Variants in GLB1 observed in about 807,000 individuals in gnomAD.
GLB1 encodes beta-galactosidase.
In GLB1, 56 loss-of-function variants were observed where a neutral mutation model predicts 74.0. That is an observed-to-expected ratio of 0.76 (90% confidence interval 0.61 to 0.94). GLB1 has a LOEUF of 0.94. Among genes scored for constraint, GLB1 ranks in the 40% least tolerant of loss-of-function variants. The pLI is 0.00. For missense variants in GLB1, 787 were observed against 845.5 expected, an observed-to-expected ratio of 0.93 and a Z score of 0.86; for synonymous variants, 323 against 323.6, an observed-to-expected ratio of 1.00 and a Z score of 0.02.
chr3:33,072,413 C>T, intron 2 of GLB1, 131 bp downstream of exon 2: 1 of 1,426,006 alleles, frequency 7.0e-7, no homozygotes, highest in Non-Finnish European at 9.6e-7. Context: ...TGACAAGCCC[C>T]TCCCAGAACA....
At position 33,045,489 on chromosome 3, in the gene GLB1, T is replaced by C. The variant is rs1020654620; in HGVS notation, c.1068+631A>G. ...CATAGTCTGTATATTGGGCCACACATAAAAAGGAAAATAGTTTATCTTCTT... is the reference window on the plus strand; with the variant it reads ...CATAGTCTGTATATTGGGCCACACACAAAAAGGAAAATAGTTTATCTTCTT... On this transcript the variant is annotated intron_variant, in intron 10 of 15. Transcript: ENST00000307363. 7 of 988,340 alleles carry C rather than the reference T, an allele frequency of 7.1e-6. No individual in the cohort carries two copies. The African/African-American group carries it at 1.0e-4, about 15-fold the overall frequency. 61.2% of individuals were successfully genotyped at this position (988,340 alleles called of 1,614,324 possible). A position where few individuals can be genotyped will look rare whatever the true frequency, so the allele number is the denominator to read the frequency against.
the GLB1 span, among the ~76,000 whole-genome samples, chr3:32,967,591 G>A: frequency 6.6e-6 from 1 of 151,026 alleles, no homozygotes; most frequent in South Asian, 2.1e-4. Flanking sequence ...TCAGTCCTTT[G>A]GATGTTAATC....
chr3:33,090,842 C>T lies in GLB1; in HGVS notation c.75+6169G>A, dbSNP rs576726047. ...TGCTAATAGAAAGCAATCAGTCAAG[C>T]AAGGACTTCAGAGTGGATGAAGGGT... On this transcript the variant is annotated intron_variant, in intron 1 of 15. Coordinates refer to ENST00000307363, the MANE Select transcript of GLB1 (RefSeq NM_000404.4). The T allele has an allele frequency of 5.6e-5, 55 of 985,092 alleles. No homozygotes were observed. In the South Asian group the frequency reaches 2.3e-3, roughly 40 times the overall value. 61.0% of individuals were successfully genotyped at this position (985,092 alleles called of 1,614,324 possible). A position where few individuals can be genotyped will look rare whatever the true frequency, so the allele number is the denominator to read the frequency against.
chr3:33,074,365 G>GAAAGAAAGAAAGAAAGAAAGAAAGA (rs1559412830), intron 1 of GLB1, among the ~76,000 whole-genome samples: 4 of 10,046 alleles, frequency 4.0e-4, no homozygotes, highest in African/African-American at 1.2e-3. Flanking sequence ...AGGAAGGAAG[G>GAAAGAAAGAAAGAAAGAAAGAAAGA]AAGGAAGGAA....
intron 1 of GLB1, chr3:33,092,052 T>C (rs1700785969): frequency 2.0e-6 from 2 of 984,210 alleles, no homozygotes; most frequent in Non-Finnish European, 2.4e-6. Flanking sequence ...CTGTCCCCAG[T>C]GAGCTCCCCG....
In GLB1 at chr3:33,077,356, G is replaced by A. The variant is rs953168873; in HGVS notation, c.76-4643C>T. 4.2e-6 allele frequency: 6 copies of A among 1,445,482 alleles called. No homozygotes were observed. The Admixed American group carries it at 1.0e-4, about 25-fold the overall frequency. 89.5% of individuals were successfully genotyped at this position (1,445,482 alleles called of 1,614,324 possible). On this transcript the variant is annotated intron_variant, in intron 1 of 15. Coordinates refer to ENST00000307363, the MANE Select transcript of GLB1 (RefSeq NM_000404.4). ...TAATGAAAGCCTGTTGTGAACGATA[G>A]GGATGGTCAATGAGACAGATCAGAT...
chr3:33,036,142 C>G (rs1255815903), intron 10 of GLB1, among the ~76,000 whole-genome samples: 1 of 152,180 alleles, frequency 6.6e-6, no homozygotes, highest in Non-Finnish European at 1.5e-5. Flanking sequence ...CTGCCTGGCT[C>G]TGGTTCCAGA....
intron 1 of GLB1, chr3:33,092,797 A>T (rs767096951): frequency 1.3e-6 from 2 of 1,548,562 alleles, no homozygotes; most frequent in East Asian, 4.5e-5. Context: ...AGGGTCGAGG[A>T]CAAGGGCAGG....
At position 33,084,528 on chromosome 3, in the gene GLB1, A is replaced by G. The variant is rs1306216873; in HGVS notation, c.76-11815T>C. 2.6e-5 allele frequency among the ~76,000 whole-genome samples: 4 copies of G among 152,138 alleles called. No individual in the cohort carries two copies. The East Asian group carries it at 7.7e-4, about 29-fold the overall frequency. On this transcript the variant is annotated intron_variant, in intron 1 of 15. Coordinates refer to ENST00000307363, the MANE Select transcript of GLB1 (RefSeq NM_000404.4). The stretch of plus-strand genomic sequence containing the variant: ...CGATTTTTATTAACTTTATGTTTTC[A>G]CGCCTGCCTTGTGCCAAAAACATTT...
At chr3:33,058,692 C>T (rs1163498784) in intron 5 of GLB1, among the ~76,000 whole-genome samples, 1 of 152,094 alleles carries the variant, frequency 6.6e-6, no homozygotes, top group Admixed American at 6.6e-5. Context: ...AGTATACAGC[C>T]GTCTAGATTT....
intron 1 of GLB1, chr3:33,091,244 G>T: frequency 1.1e-5 from 11 of 985,468 alleles, no homozygotes; most frequent in Non-Finnish European, 1.3e-5. Context: ...AAACTGCATG[G>T]TATGGCCCAC....
Position 33,068,880 on chromosome 3 carries a change from A to G in GLB1, c.336T>C (p.His112=), listed in dbSNP as rs201019449. Residue 112 remains histidine (H), a synonymous_variant, in exon 3 of 16, where the codon CAT becomes CAC. Coordinates refer to ENST00000307363, the MANE Select transcript of GLB1 (RefSeq NM_000404.4). The part of the protein sequence containing the change: ...HDVEYFLRLA[H]ELGLLVILRP... Reference sequence around the variant, plus strand: ...TCAGGATAACCAGCAGTCCCAGCTCATGAGCCAGCCGAAGAAAATATTCCA... The same window carrying G: ...TCAGGATAACCAGCAGTCCCAGCTCGTGAGCCAGCCGAAGAAAATATTCCA... 20 of 1,614,068 alleles carry G rather than the reference A, an allele frequency of 1.2e-5. No homozygotes were observed. Among genetic ancestry groups the G allele is most frequent in the Non-Finnish European group, 1.5e-5 (18 of 1,180,044 alleles).
intron 1 of GLB1, chr3:33,091,735 G>C: frequency 3.0e-6 from 3 of 985,420 alleles, no homozygotes; most frequent in Non-Finnish European, 3.6e-6. Flanking sequence ...AGCAGGGTTA[G>C]CCTCTCCAGT....
chr3:33,001,815 C>G (rs1201080993), intron 15 of GLB1, among the ~76,000 whole-genome samples: 2 of 152,158 alleles, frequency 1.3e-5, no homozygotes, highest in Non-Finnish European at 2.9e-5. Context: ...TCACGTTCCT[C>G]TGCTCCCAGT....
intron 10 of GLB1, among the ~76,000 whole-genome samples, chr3:33,042,370 CTTTTT>C (rs66685286): frequency 3.0e-5 from 3 of 99,240 alleles, no homozygotes; most frequent in Non-Finnish European, 4.0e-5. Context: ...TCATCTCCTC[CTTTTT>C]TTTTTTTTTT....
chr3:33,023,011 A>G (rs138913924), intron 11 of GLB1, among the ~76,000 whole-genome samples: 41 of 152,262 alleles, frequency 2.7e-4, no homozygotes, highest in African/African-American at 9.6e-4. Flanking sequence ...GTAAAAACTT[A>G]TTTTCTATAT....
At chr3:33,070,550 C>A (rs1699853408) in intron 2 of GLB1, among the ~76,000 whole-genome samples, 1 of 152,188 alleles carries the variant, frequency 6.6e-6, no homozygotes, top group Non-Finnish European at 1.5e-5. Flanking sequence ...ATTCCTATTA[C>A]ATAAAAATTA....
chr3:33,049,525 T>C (rs1698890094), intron 9 of GLB1, among the ~76,000 whole-genome samples: 2 of 152,158 alleles, frequency 1.3e-5, no homozygotes, highest in African/African-American at 4.8e-5. Flanking sequence ...CAAGTGATTC[T>C]CCTGCCTCAG....
intron 6 of GLB1, among the ~76,000 whole-genome samples, chr3:33,055,445 T>A (rs1426788255): frequency 6.9e-6 from 1 of 145,404 alleles, no homozygotes; most frequent in African/African-American, 2.5e-5. Flanking sequence ...GTGGTTTTTG[T>A]CATGGTTTTC....
Sources: allele counts gnomAD v4.1 joint callset (sites outside exome capture counted in the v4.1 genomes callset), GRCh38; gene constraint gnomAD v4.1.1; transcripts MANE v1.5; gene names NCBI Gene and HGNC (gene_info 2026-07-23, HGNC 2026-07-21).